Variants in TNRC6A observed in about 807,000 individuals in gnomAD.
The protein encoded by TNRC6A is trinucleotide repeat containing adaptor 6A, also known as trinucleotide repeat-containing gene 6A protein.
In TNRC6A, 44 loss-of-function variants were observed where a neutral mutation model predicts 221.2. That is an observed-to-expected ratio of 0.20 (90% confidence interval 0.16 to 0.26). TNRC6A has a LOEUF of 0.26. TNRC6A is among the 10% of genes least tolerant of loss of function. The pLI is 1.00. For synonymous variants in TNRC6A, 847 were observed against 838.5 expected (o/e 1.01, Z -0.18); for missense variants, 2,199 against 2,404.4 (o/e 0.91, Z 1.79).
At chr16:24,801,655 A>T (rs2058333870) in intron 11 of TNRC6A, among the ~76,000 whole-genome samples, 1 of 151,496 alleles carries the variant, frequency 6.6e-6, no homozygotes, top group Non-Finnish European at 1.5e-5. Context: ...CGCCCAGCTA[A>T]TTTTTTGTAT....
intron 1 of TNRC6A, among the ~76,000 whole-genome samples, chr16:24,618,966 A>G (rs959232299): frequency 6.6e-6 from 1 of 152,146 alleles, no homozygotes; most frequent in African/African-American, 2.4e-5. Flanking sequence ...ACAGTAGTTC[A>G]TATATAAAAG....
At chr16:24,797,853 T>C (rs1247197683) in intron 10 of TNRC6A, 62 bp from the exon 11 acceptor site, 1 of 1,454,618 alleles carries the variant, frequency 6.9e-7, no homozygotes, top group Non-Finnish European at 9.4e-7. Flanking sequence ...AAATTCTTCA[T>C]TTTTTATTTG....
chr16:24,763,587 T>TA (rs1183654172), intron 4 of TNRC6A, among the ~76,000 whole-genome samples: 2 of 152,242 alleles, frequency 1.3e-5, no homozygotes, highest in African/African-American at 4.8e-5. Context: ...GAAAAATACT[T>TA]ACGTAATAAT....
intron 2 of TNRC6A, among the ~76,000 whole-genome samples, chr16:24,742,497 A>G (rs2056913320): frequency 6.6e-6 from 1 of 152,198 alleles, no homozygotes; most frequent in Admixed American, 6.5e-5. Context: ...CAGTGTTAGT[A>G]AAGGCAAGGA....
chr16:24,666,664 A>T (rs2040606), intron 2 of TNRC6A, among the ~76,000 whole-genome samples: 2,328 of 103,660 alleles, frequency 0.022, 24 homozygotes, highest in African/African-American at 0.059. Flanking sequence ...AAAAAAAAAA[A>T]AAAAATATAT....
rs1183162301 is a variant in TNRC6A at position 24,729,741 on chromosome 16, C to T, written c.-101C>T. The T allele has an allele frequency of 8.7e-6, 11 of 1,261,376 alleles. No individual in the cohort carries two copies. Among genetic ancestry groups the T allele is most frequent in the Non-Finnish European group, 1.1e-5 (11 of 987,574 alleles). The allele number at this position is 1,261,376 out of a possible 1,614,324, so 78.1% of individuals were successfully genotyped here. On this transcript the variant is annotated 5_prime_UTR_variant, in exon 1 of 25. Coordinates refer to ENST00000395799, the MANE Select transcript of TNRC6A (RefSeq NM_014494.4). The stretch of plus-strand genomic sequence containing the variant: ...GGCAGCGGGTCGGTGTAGAAAATGG[C>T]GCTGGTGCAGCGGCTCGGGCCTCTC...
chr16:24,742,016 T>C (rs1468142554), intron 2 of TNRC6A, among the ~76,000 whole-genome samples: 1 of 152,146 alleles, frequency 6.6e-6, no homozygotes, highest in Non-Finnish European at 1.5e-5. Context: ...TTTTAATTTT[T>C]GTAGAGACAG....
intron 2 of TNRC6A, among the ~76,000 whole-genome samples, chr16:24,730,579 T>G (rs2056610047): frequency 6.6e-6 from 1 of 152,180 alleles, no homozygotes; most frequent in Admixed American, 6.5e-5. Flanking sequence ...ATTAGGGGAC[T>G]TGTGCATTAA....
chr16:24,766,725 G>A (rs2057481406), intron 4 of TNRC6A, among the ~76,000 whole-genome samples: 1 of 137,800 alleles, frequency 7.3e-6, no homozygotes, highest in South Asian at 2.3e-4. Flanking sequence ...CGCCCACGCT[G>A]GAGTGCAATG....
chr16:24,712,822 C>T (rs529372101), intron 2 of TNRC6A, among the ~76,000 whole-genome samples: 4 of 152,198 alleles, frequency 2.6e-5, no homozygotes, highest in Non-Finnish European at 2.9e-5. Flanking sequence ...GGCACAAACA[C>T]GGCTAACTGC....
At chr16:24,659,978 C>A (rs73564614) in intron 2 of TNRC6A, among the ~76,000 whole-genome samples, 1,872 of 152,166 alleles carry the variant, frequency 0.012, 33 homozygotes, top group African/African-American at 0.036. Flanking sequence ...TTATCTACTG[C>A]AAGCTGGGAG....
intron 2 of TNRC6A, among the ~76,000 whole-genome samples, chr16:24,683,941 G>A (rs2055579783): frequency 6.6e-6 from 1 of 152,186 alleles, no homozygotes; most frequent in Admixed American, 6.6e-5. Flanking sequence ...GCACCCTAAA[G>A]CCAGGAGTGT....
chr16:24,712,664 C>T (rs539125150), intron 2 of TNRC6A, among the ~76,000 whole-genome samples: 26 of 152,106 alleles, frequency 1.7e-4, no homozygotes, highest in East Asian at 3.9e-4. Flanking sequence ...GTTTATTTTA[C>T]GAAGTTAATT....
Position 24,794,629 on chromosome 16 carries a change from T to A in TNRC6A, c.3438T>A (p.Asp1146Glu). ...NRPTGWEEEE[D>E]VEIGMWNSNS... Reference sequence around the variant, plus strand: ...CCACTGGCTGGGAAGAGGAAGAGGATGTGGAGATTGGAATGTGGAATAGTA... The same window carrying A: ...CCACTGGCTGGGAAGAGGAAGAGGAAGTGGAGATTGGAATGTGGAATAGTA... The change falls in exon 8 of 25, where the codon GAT becomes GAA. Residue 1146 changes from aspartate (D) to glutamate (E), a missense_variant. Asp to Glu is a conservative substitution (Grantham distance 45). Transcript: ENST00000395799. 3 of 1,614,080 alleles carry A rather than the reference T, an allele frequency of 1.9e-6. No homozygotes were observed. The highest frequency in any genetic ancestry group is 1.7e-6 in the Non-Finnish European group (2 of 1,179,958).
chr16:24,630,085 A>C (rs1296099922), intron 1 of TNRC6A, among the ~76,000 whole-genome samples: 1 of 152,198 alleles, frequency 6.6e-6, no homozygotes. Flanking sequence ...TTAATTGTGA[A>C]TATTAGAAGC....
chr16:24,758,292 TCA>T (rs772892702), intron 3 of TNRC6A, 45 bp from the exon 4 acceptor site: 13 of 1,559,508 alleles, frequency 8.3e-6, no homozygotes, highest in Non-Finnish European at 9.7e-6. Flanking sequence ...TCCATTTCTT[TCA>T]GTTTCATATT....
At chr16:24,748,799 A>G (rs1164655109) in intron 2 of TNRC6A, among the ~76,000 whole-genome samples, 2 of 152,040 alleles carry the variant, frequency 1.3e-5, no homozygotes, top group East Asian at 1.9e-4. Flanking sequence ...CTACTGCCAT[A>G]TGCATTCCAG....
chr16:24,736,864 T>C (rs1268007346), intron 2 of TNRC6A, among the ~76,000 whole-genome samples: 2 of 152,250 alleles, frequency 1.3e-5, no homozygotes, highest in Admixed American at 1.3e-4. Context: ...TGTATTTAAA[T>C]CGATCAGCCA....
intron 2 of TNRC6A, among the ~76,000 whole-genome samples, chr16:24,657,448 G>C (rs1464288800): frequency 6.6e-6 from 1 of 151,564 alleles, no homozygotes; most frequent in Non-Finnish European, 1.5e-5. Context: ...GGCGGCTCAT[G>C]CCTGTAATCC....
Sources: gnomAD v4.1 joint callset for allele counts (sites outside exome capture counted in the v4.1 genomes callset) on GRCh38, gnomAD v4.1.1 for gene constraint, MANE v1.5 for transcripts, NCBI Gene and HGNC (gene_info 2026-07-23, HGNC 2026-07-21) for gene names.